SLC9A9: variants seen among roughly 807,000 people sequenced by gnomAD.
The protein encoded by SLC9A9 is sodium/hydrogen exchanger 9.
In SLC9A9, 62 loss-of-function variants were observed where a neutral mutation model predicts 77.8. The observed-to-expected ratio is 0.80, with a 90% CI of 0.65 to 0.98. SLC9A9 has a LOEUF of 0.98. Among genes scored for constraint, SLC9A9 ranks in the 50% least tolerant of loss-of-function variants. SLC9A9 has a pLI of 0.00. For missense variants in SLC9A9, 775 were observed against 774.9 expected (o/e 1.00, Z 0.00); for synonymous variants, 320 against 283.5 (o/e 1.13, Z -1.29).
At chr3:143,585,959 C>G (rs776551802) in intron 6 of SLC9A9, among the ~76,000 whole-genome samples, 7 of 152,264 alleles carry the variant, frequency 4.6e-5, no homozygotes, top group Non-Finnish European at 1.0e-4. Context: ...CTCGCAGCCT[C>G]TGTCCTTGCA....
At chr3:143,718,685 G>A (rs982533744) in intron 4 of SLC9A9, among the ~76,000 whole-genome samples, 3 of 152,104 alleles carry the variant, frequency 2.0e-5, no homozygotes, top group African/African-American at 7.2e-5. Context: ...GGCTTTTCCG[G>A]CTCAGTTCTG....
chr3:143,621,101 T>G (rs560343307), intron 6 of SLC9A9, among the ~76,000 whole-genome samples: 42 of 152,116 alleles, frequency 2.8e-4, no homozygotes, highest in Non-Finnish European at 4.9e-4. Context: ...CTTGAGTAGG[T>G]AAACAAAGTG....
At chr3:143,407,013 A>G (rs11927016) in intron 12 of SLC9A9, among the ~76,000 whole-genome samples, 25,949 of 150,896 alleles carry the variant, frequency 0.17, 2,574 homozygotes, top group Middle Eastern at 0.24. Flanking sequence ...GAAAAGAAAA[A>G]ATACCAAATT....
At chr3:143,369,038 A>C (rs2032983052) in intron 13 of SLC9A9, among the ~76,000 whole-genome samples, 1 of 152,180 alleles carries the variant, frequency 6.6e-6, no homozygotes, top group Non-Finnish European at 1.5e-5. Flanking sequence ...AGAGAGAAAA[A>C]AACTGAGACA....
chr3:143,322,949 C>T (rs1341825515), intron 14 of SLC9A9, among the ~76,000 whole-genome samples: 1 of 152,098 alleles, frequency 6.6e-6, no homozygotes, highest in Non-Finnish European at 1.5e-5. Flanking sequence ...AAACAAAAAA[C>T]CATACAAATG....
At chr3:143,477,911 G>A (rs1336958157) in intron 11 of SLC9A9, among the ~76,000 whole-genome samples, 1 of 152,198 alleles carries the variant, frequency 6.6e-6, no homozygotes, top group Non-Finnish European at 1.5e-5. Flanking sequence ...GGCTTCCCTA[G>A]GCAAAGGGTC....
intron 6 of SLC9A9, among the ~76,000 whole-genome samples, chr3:143,582,734 G>A (rs985242376): frequency 2.6e-5 from 4 of 152,218 alleles, no homozygotes; most frequent in Non-Finnish European, 5.9e-5. Flanking sequence ...GTGGGCAGGG[G>A]TCTGCTCCAT....
intron 6 of SLC9A9, among the ~76,000 whole-genome samples, chr3:143,606,436 C>CTCTCTCTCTCTCTATATATA (rs1419410834): frequency 5.3e-4 from 29 of 54,206 alleles, no homozygotes; most frequent in African/African-American, 2.1e-3. Context: ...CTCTCTCTCT[C>CTCTCTCTCTCTCTATATATA]TATATATATA....
At chr3:143,575,282 G>A (rs2037339636) in intron 7 of SLC9A9, among the ~76,000 whole-genome samples, 1 of 152,128 alleles carries the variant, frequency 6.6e-6, no homozygotes, top group East Asian at 1.9e-4. Flanking sequence ...ATCATGGTGG[G>A]GAGTGTAGCA....
intron 12 of SLC9A9, among the ~76,000 whole-genome samples, chr3:143,437,008 C>T (rs755992760): frequency 1.3e-5 from 2 of 152,200 alleles, no homozygotes; most frequent in Non-Finnish European, 2.9e-5. Flanking sequence ...CCATTGTGCA[C>T]CATTCATGTA....
At chr3:143,315,215 G>T (rs192357438) in intron 14 of SLC9A9, among the ~76,000 whole-genome samples, 19 of 152,300 alleles carry the variant, frequency 1.2e-4, no homozygotes, top group African/African-American at 4.6e-4. Flanking sequence ...AAGACAAGTT[G>T]TAGTATATCT....
chr3:143,517,460 G>C, intron 9 of SLC9A9: 1 of 1,597,502 alleles, frequency 6.3e-7, no homozygotes, highest in Non-Finnish European at 8.5e-7. Context: ...CTCCTCTTGA[G>C]CCTTCTTAAC....
At chr3:143,820,667 A>G (rs1464070220) in intron 2 of SLC9A9, among the ~76,000 whole-genome samples, 1 of 152,198 alleles carries the variant, frequency 6.6e-6, no homozygotes, top group Non-Finnish European at 1.5e-5. Flanking sequence ...AAGAGAAAAT[A>G]ACAGGTGCAA....
intron 9 of SLC9A9, among the ~76,000 whole-genome samples, chr3:143,502,006 G>GA (rs1307008811): frequency 6.6e-6 from 1 of 150,542 alleles, no homozygotes; most frequent in East Asian, 1.9e-4. Context: ...TTTAAAAAAT[G>GA]AAAAAAATCT....
Position 143,693,219 on chromosome 3 carries a change from C to G in SLC9A9, c.622G>C (p.Gly208Arg). The G allele has an allele frequency of 6.2e-7, 1 of 1,612,950 alleles. No individual in the cohort carries two copies. Among genetic ancestry groups the G allele is most frequent in the Non-Finnish European group, 8.5e-7 (1 of 1,179,370 alleles). ...GGATCTGTAGCAGACATCAGTGAAC[C>G]AAAAAATAAACAGTCAGTGAAATGA... ...DFHFTDCLFF[G>R]SLMSATDPVT... The change falls in exon 5 of 16, where the codon GGT (glycine) becomes CGT (arginine). Residue 208 changes from glycine (G) to arginine (R), a missense_variant. Transcript: ENST00000316549.
intron 6 of SLC9A9, among the ~76,000 whole-genome samples, chr3:143,586,591 T>C (rs2037545360): frequency 6.6e-6 from 1 of 152,266 alleles, no homozygotes; most frequent in Non-Finnish European, 1.5e-5. Flanking sequence ...CTATTATTTA[T>C]CTTTTAATAA....
intron 5 of SLC9A9, among the ~76,000 whole-genome samples, chr3:143,662,396 G>C (rs987702237): frequency 2.0e-5 from 3 of 152,236 alleles, no homozygotes; most frequent in African/African-American, 7.2e-5. Flanking sequence ...CGATGCAGAA[G>C]ACAGGTGATT....
chr3:143,725,792 C>T (rs904234824), intron 4 of SLC9A9, among the ~76,000 whole-genome samples: 2 of 150,150 alleles, frequency 1.3e-5, no homozygotes, highest in Admixed American at 1.3e-4. Context: ...TGCTAAATGA[C>T]AAGTTAATGG....
chr3:143,689,929 T>C (rs1933404771), intron 5 of SLC9A9, among the ~76,000 whole-genome samples: 1 of 152,066 alleles, frequency 6.6e-6, no homozygotes, highest in African/African-American at 2.4e-5. Flanking sequence ...TTCTCTTATT[T>C]TGTTCTGTGA....
Sources: allele counts gnomAD v4.1 joint callset (sites outside exome capture counted in the v4.1 genomes callset), GRCh38; gene constraint gnomAD v4.1.1; transcripts MANE v1.5; gene names NCBI Gene and HGNC (gene_info 2026-07-23, HGNC 2026-07-21).